Variants in KCNJ16 observed in about 807,000 individuals in gnomAD.
KCNJ16 encodes the protein potassium inwardly rectifying channel subfamily J member 16.
In KCNJ16, 15 loss-of-function variants were observed where a neutral mutation model predicts 18.5. The ratio of observed to expected loss-of-function variants is 0.81; its 90% CI spans 0.54 to 1.25. The LOEUF is 1.25. KCNJ16 is among the 50% of genes most tolerant of loss of function. The pLI is 0.00. For missense variants in KCNJ16, 523 were observed against 525.7 expected (o/e 0.99, Z 0.05); for synonymous variants, 174 against 186.5 (o/e 0.93, Z 0.55).
At chr17:70,110,654 G>A (rs2073147711) in intron 2 of KCNJ16, among the ~76,000 whole-genome samples, 1 of 152,138 alleles carries the variant, frequency 6.6e-6, no homozygotes, top group South Asian at 2.1e-4. Flanking sequence ...TCCTCAGGAT[G>A]CCCTGTGACA....
chr17:70,097,118 TA>T (rs1422138214), intron 1 of KCNJ16, among the ~76,000 whole-genome samples: 1 of 152,190 alleles, frequency 6.6e-6, no homozygotes, highest in Admixed American at 6.5e-5. Context: ...GCACTTTTGT[TA>T]ATGTGATCAC....
At chr17:70,088,102 C>G (rs2071917636) in intron 1 of KCNJ16, among the ~76,000 whole-genome samples, 1 of 150,952 alleles carries the variant, frequency 6.6e-6, no homozygotes, top group Non-Finnish European at 1.5e-5. Context: ...CTCACCACCA[C>G]AAAACTGTTT....
chr17:70,094,396 T>A (rs8069490), intron 1 of KCNJ16, among the ~76,000 whole-genome samples: 129,134 of 152,178 alleles, frequency 0.85, 54,862 homozygotes, highest in East Asian at 0.96. Flanking sequence ...ATATCAATTG[T>A]ATCTTTCTAC....
chr17:70,123,314 A>C (rs2073723628), intron 2 of KCNJ16, among the ~76,000 whole-genome samples: 1 of 152,234 alleles, frequency 6.6e-6, no homozygotes, highest in African/African-American at 2.4e-5. Context: ...AGAAGATAGA[A>C]TCTGATTTGA....
At chr17:70,094,355 T>C (rs2072255876) in intron 1 of KCNJ16, among the ~76,000 whole-genome samples, 1 of 152,158 alleles carries the variant, frequency 6.6e-6, no homozygotes. Flanking sequence ...GTTTCAAGCT[T>C]TGGAGGGTAA....
At chr17:70,121,646 A>G (rs893407607) in intron 2 of KCNJ16, among the ~76,000 whole-genome samples, 1 of 152,126 alleles carries the variant, frequency 6.6e-6, no homozygotes, top group Non-Finnish European at 1.5e-5. Flanking sequence ...GTTTTAAAAG[A>G]GGGCTGCGTG....
intron 2 of KCNJ16, among the ~76,000 whole-genome samples, chr17:70,126,677 ACC>A (rs1362454870): frequency 1.3e-5 from 2 of 152,170 alleles, no homozygotes; most frequent in Admixed American, 1.3e-4. Context: ...AATACCGAAA[ACC>A]ATTTTATTTT....
intron 2 of KCNJ16, chr17:70,101,904 C>G (rs1173375850): frequency 6.6e-6 from 1 of 152,036 alleles, no homozygotes; most frequent in African/African-American, 2.4e-5. Flanking sequence ...TTAACGTTTA[C>G]TGAAAAGTAT....
At chr17:70,083,440 A>G (rs9905061) in intron 1 of KCNJ16, among the ~76,000 whole-genome samples, 10,572 of 151,772 alleles carry the variant, frequency 0.07, 1,263 homozygotes, top group African/African-American at 0.24. Context: ...GATGGGGTGC[A>G]TATATGATGG....
intron 1 of KCNJ16, among the ~76,000 whole-genome samples, chr17:70,082,291 T>C (rs1195490190): frequency 2.0e-5 from 3 of 152,010 alleles, no homozygotes; most frequent in African/African-American, 7.3e-5. Context: ...GTGTTCAGAG[T>C]GTAGGGTTTT....
At chr17:70,117,064 A>G (rs563171152) in intron 2 of KCNJ16, among the ~76,000 whole-genome samples, 5 of 152,224 alleles carry the variant, frequency 3.3e-5, no homozygotes, top group South Asian at 2.1e-4. Flanking sequence ...GTGCCCATCA[A>G]TGGTGGACTG....
rs915747674 is a variant in KCNJ16 at position 70,132,488 on chromosome 17, A to G, written c.401A>G (p.Tyr134Cys). ...CTAGAGACCCAAACCACCATAGGAT[A>G]TGGTTATCGCTGTGTTACTGAAGAA... is the stretch of plus-strand genomic sequence containing the variant. ...FSLETQTTIGYGYRCVTEECS... is the reference protein window; with the variant it reads ...FSLETQTTIGCGYRCVTEECS... The change falls in exon 4 of 4, where the codon TAT becomes TGT. Residue 134 changes from tyrosine to cysteine, a missense_variant. Transcript: ENST00000392671. 2.5e-6 allele frequency: 4 copies of G among 1,614,036 alleles called. No individual in the cohort carries two copies. In the African/African-American group the frequency reaches 4.0e-5, roughly 16 times the overall value.
chr17:70,097,423 ATTG>A (rs2072429474), intron 1 of KCNJ16, among the ~76,000 whole-genome samples: 1 of 152,168 alleles, frequency 6.6e-6, no homozygotes, highest in Non-Finnish European at 1.5e-5. Flanking sequence ...AAGTGTTTAT[ATTG>A]TTTGGTGAGT....
intron 2 of KCNJ16, among the ~76,000 whole-genome samples, chr17:70,124,215 T>C (rs2073765925): frequency 6.6e-6 from 1 of 152,210 alleles, no homozygotes; most frequent in Non-Finnish European, 1.5e-5. Flanking sequence ...TGGATGGCCC[T>C]GGTTCAATAG....
intron 1 of KCNJ16, among the ~76,000 whole-genome samples, chr17:70,094,246 A>T (rs570497614): frequency 1.3e-5 from 2 of 152,370 alleles, no homozygotes; most frequent in South Asian, 4.1e-4. Context: ...AAGTGAAAAT[A>T]AAAGTAACCT....
chr17:70,103,272 TATA>T (rs1429243717), intron 2 of KCNJ16, among the ~76,000 whole-genome samples: 5 of 62,084 alleles, frequency 8.1e-5, no homozygotes, highest in Middle Eastern at 7.0e-3. Flanking sequence ...TATATGTGTA[TATA>T]ATATGCATAT....
At position 70,092,531 on chromosome 17, in the gene KCNJ16, CAG is replaced by C. The variant is rs1567782417; in HGVS notation, c.-299-8125_-299-8124del. Among the ~76,000 whole-genome samples the C allele has an allele frequency of 1.8e-3, 177 of 100,096 alleles. 1 individual carries two copies. The highest frequency in any genetic ancestry group is 5.7e-4 in the Admixed American group (5 of 8,826). 65.7% of individuals were successfully genotyped at this position (100,096 alleles called of 152,430 possible). ...ATAGATAGATAGATAGATACATAGA[CAG>C]ATAGATATAGATAGATATAGATAGA... is the stretch of plus-strand genomic sequence containing the variant. On this transcript the variant is annotated intron_variant, in intron 1 of 3. Coordinates refer to ENST00000392671, the MANE Select transcript of KCNJ16 (RefSeq NM_170741.4).
At chr17:70,114,428 A>G (rs974630276) in intron 2 of KCNJ16, among the ~76,000 whole-genome samples, 2 of 152,164 alleles carry the variant, frequency 1.3e-5, no homozygotes, top group African/African-American at 4.8e-5. Flanking sequence ...AAATTTTGAG[A>G]AGGTCAAAAG....
intron 2 of KCNJ16, among the ~76,000 whole-genome samples, chr17:70,107,422 T>C (rs949627915): frequency 6.6e-6 from 1 of 151,974 alleles, no homozygotes; most frequent in African/African-American, 2.4e-5. Flanking sequence ...AACACAAGAG[T>C]AAGAAACAGA....
Sources: allele counts gnomAD v4.1 joint callset (sites outside exome capture counted in the v4.1 genomes callset), GRCh38; gene constraint gnomAD v4.1.1; transcripts MANE v1.5; gene names NCBI Gene and HGNC (gene_info 2026-07-23, HGNC 2026-07-21).